The following ARPP21 variants were observed in gnomAD, a reference collection of about 807,000 sequenced individuals.
ARPP21 encodes cAMP-regulated phosphoprotein 21.
A neutral mutation model predicts 113.2 loss-of-function variants in ARPP21; 69 were observed. The ratio of observed to expected loss-of-function variants is 0.61; its 90% CI spans 0.50 to 0.74. The LOEUF is 0.74. Ranked by LOEUF, ARPP21 falls within the 30% of genes least tolerant of loss-of-function variation. ARPP21 has a pLI of 0.00. For synonymous variants in ARPP21, 368 were observed against 375.5 expected (o/e 0.98, Z 0.23); for missense variants, 1,070 against 1,037.4 (o/e 1.03, Z -0.43).
At chr3:35,684,678 C>T (rs866073426) in intron 5 of ARPP21, 1 of 985,264 alleles carries the variant, frequency 1.0e-6, no homozygotes, top group Non-Finnish European at 1.2e-6. Flanking sequence ...TTTGGTTTTG[C>T]TTTTTTCCTC....
intron 20 of ARPP21, among the ~76,000 whole-genome samples, chr3:35,792,906 T>G (rs182153164): frequency 1.3e-5 from 2 of 152,360 alleles, no homozygotes; most frequent in East Asian, 3.9e-4. Flanking sequence ...ACTTCATTTT[T>G]CCATAACTTT....
chr3:35,748,555 T>G (rs972219786), intron 19 of ARPP21, among the ~76,000 whole-genome samples: 2 of 152,100 alleles, frequency 1.3e-5, no homozygotes, highest in Non-Finnish European at 2.9e-5. Flanking sequence ...TATGGCTTGT[T>G]TATAAAAAGA....
At chr3:35,686,490 G>T (rs1196762980) in intron 5 of ARPP21, among the ~76,000 whole-genome samples, 1 of 151,594 alleles carries the variant, frequency 6.6e-6, no homozygotes, top group African/African-American at 2.4e-5. Context: ...TCACAGTGGA[G>T]CCCCTTCCAT....
Position 35,684,387 on chromosome 3 carries a change from C to T in ARPP21, c.261+572C>T. On this transcript the variant is annotated intron_variant, in intron 5 of 20. Coordinates refer to ENST00000684406, the MANE Select transcript of ARPP21 (RefSeq NM_001385562.1). ...CTTTAAGTTAATATTATTAATATAT[C>T]ACTGCATATTTTTACCCTTATTTTT... 3.0e-6 allele frequency: 3 copies of T among 984,350 alleles called. No individual in the cohort carries two copies. In the South Asian group the frequency reaches 1.4e-4, roughly 45 times the overall value. 61.0% of individuals were successfully genotyped at this position (984,350 alleles called of 1,614,324 possible). A position where few individuals can be genotyped will look rare whatever the true frequency, so the allele number is the denominator to read the frequency against.
At chr3:35,789,713 C>T (rs754172882) in intron 19 of ARPP21, among the ~76,000 whole-genome samples, 21 of 152,260 alleles carry the variant, frequency 1.4e-4, no homozygotes, top group Non-Finnish European at 7.3e-5. Context: ...GCAGCAAAGA[C>T]GAATTCTGCT....
In ARPP21 at chr3:35,717,348, A is replaced by G; in HGVS notation, c.986A>G (p.Gln329Arg). 1 of 1,601,856 alleles carries G rather than the reference A, an allele frequency of 6.2e-7. No individual in the cohort carries two copies. Among genetic ancestry groups the G allele is most frequent in the Non-Finnish European group, 8.6e-7 (1 of 1,169,236 alleles). ...NICNETYKKR[Q>R]LFRGNRDGSG... ...TGCAATGAGACCTATAAGAAAAGAC[A>G]GCTCTTTCGGTTGGTATGGTTTACT... is the stretch of plus-strand genomic sequence containing the variant. The change falls in exon 13 of 21, where the codon CAG (glutamine) becomes CGG (arginine). Residue 329 changes from glutamine to arginine, a missense_variant. Transcript: ENST00000684406.
intron 10 of ARPP21, among the ~76,000 whole-genome samples, chr3:35,708,458 T>A (rs2089994290): frequency 6.6e-6 from 1 of 152,244 alleles, no homozygotes; most frequent in South Asian, 2.1e-4. Flanking sequence ...AATTAGAAGA[T>A]GAAGAAATAA....
intron 1 of ARPP21, among the ~76,000 whole-genome samples, chr3:35,658,422 C>A (rs1401797174): frequency 6.6e-6 from 1 of 151,860 alleles, no homozygotes; most frequent in Non-Finnish European, 1.5e-5. Flanking sequence ...AACATGATAC[C>A]TATTATCTGC....
intron 9 of ARPP21, among the ~76,000 whole-genome samples, chr3:35,694,104 C>T (rs1562502): frequency 0.36 from 55,118 of 151,232 alleles, 11,230 homozygotes; most frequent in East Asian, 0.71. Context: ...ATTTATTTCC[C>T]AGAATCCTGA....
intron 19 of ARPP21, among the ~76,000 whole-genome samples, chr3:35,754,439 A>T (rs1324337886): frequency 6.6e-6 from 1 of 151,944 alleles, no homozygotes; most frequent in African/African-American, 2.4e-5. Context: ...GATGTCTATT[A>T]ACATCAGTGG....
chr3:35,717,812 A>G (rs934218559), intron 13 of ARPP21, among the ~76,000 whole-genome samples: 7 of 152,102 alleles, frequency 4.6e-5, no homozygotes, highest in African/African-American at 1.7e-4. Context: ...TTTCTGAAGA[A>G]AGATATGAGG....
chr3:35,761,987 C>A (rs2095794449), intron 19 of ARPP21, among the ~76,000 whole-genome samples: 1 of 151,996 alleles, frequency 6.6e-6, no homozygotes, highest in African/African-American at 2.4e-5. Flanking sequence ...TCCATTCAGA[C>A]CTGCTGTGAT....
intron 5 of ARPP21, among the ~76,000 whole-genome samples, chr3:35,686,499 A>G (rs2080641283): frequency 6.6e-6 from 1 of 151,686 alleles, no homozygotes; most frequent in East Asian, 1.9e-4. Flanking sequence ...AGCCCCTTCC[A>G]TAAAAGAAAC....
intron 19 of ARPP21, among the ~76,000 whole-genome samples, chr3:35,750,287 T>G (rs1182868488): frequency 6.6e-6 from 1 of 152,114 alleles, no homozygotes; most frequent in African/African-American, 2.4e-5. Context: ...TTCATTTGTA[T>G]ATATTTTTAA....
rs777434867 is a variant in ARPP21 at position 35,667,885 on chromosome 3, A to AGAAGAAGAAGAGGAAGAG, written c.-212-11897_-212-11896insAGAAGAGGAAGAGGAAGA. 3.1e-3 allele frequency among the ~76,000 whole-genome samples: 300 copies of AGAAGAAGAAGAGGAAGAG among 97,680 alleles called. 24 individuals are homozygous for AGAAGAAGAAGAGGAAGAG. Among genetic ancestry groups the AGAAGAAGAAGAGGAAGAG allele is most frequent in the Admixed American group, 0.02 (183 of 9,216 alleles). 64.1% of individuals were successfully genotyped at this position (97,680 alleles called of 152,430 possible). A position where few individuals can be genotyped will look rare whatever the true frequency, so the allele number is the denominator to read the frequency against. On this transcript the variant is annotated intron_variant, in intron 1 of 20. Transcript: ENST00000684406. ...AAGAAGAAGAAGAAGAAGAAGAAGAAGAAGAGGAAGAGGAAGAGGAAGAGG... is the reference window on the plus strand; with the variant it reads ...AAGAAGAAGAAGAAGAAGAAGAAGAAGAAGAAGAAGAGGAAGAGGAAGAGGAAGAGGAAGAGGAAGAGG...
chr3:35,725,430 A>T (rs1327498392), intron 14 of ARPP21, among the ~76,000 whole-genome samples: 1 of 152,214 alleles, frequency 6.6e-6, no homozygotes, highest in Non-Finnish European at 1.5e-5. Flanking sequence ...CATTAAGGTC[A>T]TCTTCCTTAC....
rs185100592 is a variant in ARPP21 at position 35,766,311 on chromosome 3, C to A, written c.2137+22346C>A. 3.5e-3 allele frequency among the ~76,000 whole-genome samples: 527 copies of A among 152,154 alleles called. 5 individuals are homozygous for A. Among genetic ancestry groups the A allele is most frequent in the African/African-American group, 0.012 (501 of 41,492 alleles). On this transcript the variant is annotated intron_variant, in intron 19 of 20. Transcript: ENST00000684406. ...AGTTGGAGTAGTAATGGCACACATA[C>A]TTAAGGTAATGTTGAATGCAGCATG...
In ARPP21 at chr3:35,729,419, T is replaced by C. The variant is rs1214325652; in HGVS notation, c.1342T>C (p.Tyr448His). ...AGCTGGCTCTCCAGGCTGTGTGCCT[T>C]ATCCAGAGAATGGAATAGGGGGCCA... is the stretch of plus-strand genomic sequence containing the variant. ...VAAGSPGCVP[Y>H]PENGIGGQVA... Residue 448 changes from tyrosine to histidine, a missense_variant, in exon 15 of 21, where the codon TAT (tyrosine) becomes CAT (histidine). By Grantham distance (83) the Tyr-to-His change is moderately conservative. Transcript: ENST00000684406. 2.5e-6 allele frequency: 4 copies of C among 1,614,140 alleles called. No individual in the cohort carries two copies. Among genetic ancestry groups the C allele is most frequent in the Admixed American group, 1.7e-5 (1 of 60,028 alleles).
chr3:35,665,422 A>G (rs556510074), intron 1 of ARPP21, among the ~76,000 whole-genome samples: 1 of 152,324 alleles, frequency 6.6e-6, no homozygotes, highest in South Asian at 2.1e-4. Context: ...GAAAGTTCTG[A>G]GCAAAGTGCT....
Sources: allele counts gnomAD v4.1 joint callset (sites outside exome capture counted in the v4.1 genomes callset), GRCh38; gene constraint gnomAD v4.1.1; transcripts MANE v1.5; gene names NCBI Gene and HGNC (gene_info 2026-07-23, HGNC 2026-07-21).